HSPG2: variants seen among roughly 807,000 people sequenced by gnomAD.
HSPG2 encodes basement membrane-specific heparan sulfate proteoglycan core protein.
Under a neutral mutation model 526.6 loss-of-function variants are expected in HSPG2, and 278 were observed. That is an observed-to-expected ratio of 0.53 (90% confidence interval 0.48 to 0.58). The LOEUF (loss-of-function observed/expected upper bound fraction) is 0.58, where lower values mean the gene tolerates loss of function less well. HSPG2 is among the 20% of genes least tolerant of loss of function. The pLI is 0.00. For synonymous variants in HSPG2, 2,465 were observed against 2,555.4 expected, an observed-to-expected ratio of 0.96 and a Z score of 1.07; for missense variants, 5,354 against 6,099.5, an observed-to-expected ratio of 0.88 and a Z score of 4.07.
Position 21,859,880 on chromosome 1 carries a change from C to G in HSPG2, c.5137G>C (p.Glu1713Gln). The change falls in exon 41 of 97, where the codon GAG becomes CAG. Residue 1713 changes from glutamate to glutamine, a missense_variant. Glu to Gln is a conservative substitution (Grantham distance 29). Coordinates refer to ENST00000374695, the MANE Select transcript of HSPG2 (RefSeq NM_005529.7). This position sits in a 1 kb window ranked among gnomAD's most constrained non-coding sequence, Gnocchi z 5.3. ...SPPHYFYWSREDGRPVPSGTQ... is the reference protein window; with the variant it reads ...SPPHYFYWSRQDGRPVPSGTQ... Reference sequence around the variant, plus strand: ...CCGCTGGGCACAGGCCGCCCATCCTCACGGGACCAATAGAAGTAGTGGGGT... The same window carrying G: ...CCGCTGGGCACAGGCCGCCCATCCTGACGGGACCAATAGAAGTAGTGGGGT... 6.2e-7 allele frequency: 1 copy of G among 1,611,324 alleles called. No individual in the cohort carries two copies. The highest frequency in any genetic ancestry group is 8.5e-7 in the Non-Finnish European group (1 of 1,179,610).
chr1:21,830,369 A>C (rs1234104461), intron 85 of HSPG2: 4 of 466,860 alleles, frequency 8.6e-6, no homozygotes, highest in Middle Eastern at 6.2e-4. Context: ...GTGGCGGGTA[A>C]TGGGGTGGGC....
At chr1:21,838,070 A>T (rs1246921465) in intron 74 of HSPG2, among the ~76,000 whole-genome samples, 7 of 131,560 alleles carry the variant, frequency 5.3e-5, no homozygotes, top group Admixed American at 3.7e-4. Context: ...CGGGAGATGG[A>T]GGTTGCAGTG....
At position 21,884,627 on chromosome 1, in the gene HSPG2, G is replaced by C. The variant is rs1330894906; in HGVS notation, c.1555C>G (p.Leu519Val). ...HFYLEHSAACLPCFCFGITSV... is the reference protein window; with the variant it reads ...HFYLEHSAACVPCFCFGITSV... ...GTGATGCCAAAGCAGAAGCAGGGCA[G>C]GCAGGCGGCGCTGTGCTCCAGGTAG... The change falls in exon 13 of 97, where the codon CTG becomes GTG. Residue 519 changes from leucine to valine, a missense_variant. Transcript: ENST00000374695. The C allele has an allele frequency of 6.2e-7, 1 of 1,611,324 alleles. No individual in the cohort carries two copies. The highest frequency in any genetic ancestry group is 1.3e-5 in the African/African-American group (1 of 74,890).
At chr1:21,827,275 T>G (rs2097980400) in intron 91 of HSPG2, among the ~76,000 whole-genome samples, 1 of 152,204 alleles carries the variant, frequency 6.6e-6, no homozygotes, top group Non-Finnish European at 1.5e-5. Flanking sequence ...GGAAAGATGT[T>G]ACTCATCTCC....
intron 74 of HSPG2, among the ~76,000 whole-genome samples, chr1:21,837,464 A>G (rs1009700032): frequency 7.7e-6 from 1 of 129,764 alleles, no homozygotes; most frequent in Non-Finnish European, 1.7e-5. Flanking sequence ...TTTTTTTTGT[A>G]TTTTAGTAGA....
chr1:21,928,917 A>T (rs951697344), intron 1 of HSPG2, among the ~76,000 whole-genome samples: 1 of 151,152 alleles, frequency 6.6e-6, no homozygotes, highest in African/African-American at 2.4e-5. Context: ...TGCTTAGCTG[A>T]TTTTTTTATT....
chr1:21,854,706 C>T lies in HSPG2; in HGVS notation c.6193G>A (p.Gly2065Arg), dbSNP rs759369310. 9 of 1,612,750 alleles carry T rather than the reference C, an allele frequency of 5.6e-6. No homozygotes were observed. Reference sequence around the variant, plus strand: ...ACACAGTTGAGGTCGAGTGTTTGCCCTTCTGTCACAGAAGGCGATGAGGAC... The same window carrying T: ...ACACAGTTGAGGTCGAGTGTTTGCCTTTCTGTCACAGAAGGCGATGAGGAC... ...IESSSPSVTE[G>R]QTLDLNCVVA... Residue 2065 changes from glycine (G) to arginine (R), a missense_variant, in exon 49 of 97, where the codon GGG becomes AGG. By Grantham distance (125) the Gly-to-Arg change is moderately radical. Coordinates refer to ENST00000374695, the MANE Select transcript of HSPG2 (RefSeq NM_005529.7).
At chr1:21,908,904 C>T (rs1184586382) in intron 1 of HSPG2, among the ~76,000 whole-genome samples, 7 of 152,142 alleles carry the variant, frequency 4.6e-5, no homozygotes, top group East Asian at 1.9e-4. Flanking sequence ...GTCAGGAGTT[C>T]GAGACCAGCC....
intron 47 of HSPG2, 25 bp downstream of exon 47, chr1:21,855,279 C>G: frequency 1.3e-6 from 2 of 1,592,186 alleles, no homozygotes; most frequent in Non-Finnish European, 1.7e-6. Context: ...GGGCCTCCTC[C>G]TCCTGGGTGG....
chr1:21,889,104 G>A (rs1376395111), intron 6 of HSPG2, among the ~76,000 whole-genome samples: 2 of 152,098 alleles, frequency 1.3e-5, no homozygotes, highest in South Asian at 2.1e-4. Flanking sequence ...ATTGAGGTGC[G>A]GAACAAGGGA....
rs1005465385 is a variant in HSPG2 at position 21,858,229 on chromosome 1, A to G, written c.5294-844T>C. Reference sequence around the variant, plus strand: ...TGTCAAAGCATGACCTCCAAGGGCTATTTCTCTGCCCTTATGTGACTTCCC... The same window carrying G: ...TGTCAAAGCATGACCTCCAAGGGCTGTTTCTCTGCCCTTATGTGACTTCCC... On this transcript the variant is annotated intron_variant, in intron 42 of 96. Transcript: ENST00000374695. This position sits in a 1 kb window ranked among gnomAD's most constrained non-coding sequence, Gnocchi z 4.2. Among the ~76,000 whole-genome samples, 1 of 151,966 alleles carries G rather than the reference A, an allele frequency of 6.6e-6. No homozygotes were observed. The highest frequency in any genetic ancestry group is 1.5e-5 in the Non-Finnish European group (1 of 68,018).
At chr1:21,835,250 A>G (rs1464277882) in intron 76 of HSPG2, 1 of 597,686 alleles carries the variant, frequency 1.7e-6, no homozygotes, top group African/African-American at 1.8e-5. Context: ...TAGCCTCCTG[A>G]GTAGGTGGGA....
At chr1:21,903,308 T>C (rs1046291511) in intron 1 of HSPG2, among the ~76,000 whole-genome samples, 2 of 152,106 alleles carry the variant, frequency 1.3e-5, no homozygotes, top group Non-Finnish European at 2.9e-5. Context: ...CGCTATGAAA[T>C]GGGAGCAAAA....
In HSPG2 at chr1:21,841,172, G is replaced by A. The variant is rs574214630; in HGVS notation, c.9442C>T (p.Arg3148Trp). 8.1e-6 allele frequency: 13 copies of A among 1,613,776 alleles called. No individual in the cohort carries two copies. In the East Asian group the frequency reaches 1.1e-4, roughly 14 times the overall value. Residue 3148 changes from arginine to tryptophan, a missense_variant, in exon 71 of 97, where the codon CGG becomes TGG. Physicochemically the swap from Arg to Trp is moderately radical, Grantham distance 101. Coordinates refer to ENST00000374695, the MANE Select transcript of HSPG2 (RefSeq NM_005529.7). The stretch of plus-strand genomic sequence containing the variant: ...AACTTGGCAGGGGTGCTGCTGATCC[G>A]GGTCCAACGAGCAGAGGAGCGGGGC... Reference protein sequence around the residue: ...GEPRSSARWTRISSTPAKLEQ... With the variant: ...GEPRSSARWTWISSTPAKLEQ...
chr1:21,887,113 A>G lies in HSPG2; in HGVS notation c.1078+102T>C. The G allele has an allele frequency of 2.9e-6, 3 of 1,028,456 alleles. No individual in the cohort carries two copies. Among genetic ancestry groups the G allele is most frequent in the Admixed American group, 3.1e-5 (1 of 31,816 alleles). 63.7% of individuals were successfully genotyped at this position (1,028,456 alleles called of 1,614,324 possible). A position where few individuals can be genotyped will look rare whatever the true frequency, so the allele number is the denominator to read the frequency against. ...GCTTGGGGGACTGGGGAGGGGGGAA[A>G]GCGGAGGGGCAGGGTAGGGGCGGGG... On this transcript the variant is annotated intron_variant, in intron 9 of 96. Transcript: ENST00000374695. The surrounding 1 kb of genome is among the most constrained non-coding windows in gnomAD (Gnocchi z 5.0).
At chr1:21,888,752 C>T (rs773094154) in intron 6 of HSPG2, 3 of 1,350,768 alleles carry the variant, frequency 2.2e-6, no homozygotes, top group South Asian at 2.3e-5. Flanking sequence ...GGCTGTTCCA[C>T]CTGGGAGCCG....
rs376014318 is a variant in HSPG2 at position 21,931,368 on chromosome 1, G to C, written c.63+5787C>G. ...GGGCAGCTGGCCCCGGGAGCAGGAGGGGGTGGCAGGGCCAAAGAGGCCAAG... is the reference window on the plus strand; with the variant it reads ...GGGCAGCTGGCCCCGGGAGCAGGAGCGGGTGGCAGGGCCAAAGAGGCCAAG... On this transcript the variant is annotated intron_variant, in intron 1 of 96. Transcript: ENST00000374695. Among the ~76,000 whole-genome samples, 5 of 152,388 alleles carry C rather than the reference G, an allele frequency of 3.3e-5. No homozygotes were observed. The South Asian group carries it at 8.3e-4, about 25-fold the overall frequency.
Position 21,850,439 on chromosome 1 carries a change from C to T in HSPG2, c.7218G>A (p.Val2406=). 6.2e-7 allele frequency: 1 copy of T among 1,611,892 alleles called. No individual in the cohort carries two copies. Among genetic ancestry groups the T allele is most frequent in the African/African-American group, 1.3e-5 (1 of 75,036 alleles). ...QASPADSGEY[V]CRVLGSSVPL... ...GCACGGAGCTGCCCAACACTCGGCA[C>T]ACGTACTCGCCCGAGTCGGCGGGGG... Residue 2406 remains valine, a synonymous_variant, in exon 56 of 97, where the codon GTG becomes GTA. Transcript: ENST00000374695.
chr1:21,932,557 A>G (rs4654997), intron 1 of HSPG2, among the ~76,000 whole-genome samples: 142,367 of 152,316 alleles, frequency 0.93, 67,048 homozygotes, highest in South Asian at 0.99. Flanking sequence ...AGCAGGAGGA[A>G]GCAGATAAAC....
Sources: allele counts gnomAD v4.1 joint callset (sites outside exome capture counted in the v4.1 genomes callset), GRCh38; gene constraint gnomAD v4.1.1; non-coding constraint Gnocchi (gnomAD v3.1); transcripts MANE v1.5; gene names NCBI Gene and HGNC (gene_info 2026-07-23, HGNC 2026-07-21).